PADI3: variants seen among roughly 807,000 people sequenced by gnomAD.
PADI3 encodes peptidyl arginine deiminase 3.
In PADI3, 53 loss-of-function variants were observed where a neutral mutation model predicts 71.5. The observed-to-expected ratio is 0.74, with a 90% CI of 0.59 to 0.93. The LOEUF (loss-of-function observed/expected upper bound fraction) is 0.93. Ranked by LOEUF, PADI3 falls within the 40% of genes least tolerant of loss-of-function variation. PADI3 has a pLI of 0.00. For synonymous variants in PADI3, 361 were observed against 347.5 expected, an observed-to-expected ratio of 1.04 and a Z score of -0.43; for missense variants, 821 against 868.0, an observed-to-expected ratio of 0.95 and a Z score of 0.68.
intron 7 of PADI3, 34 bp from the exon 8 acceptor site, chr1:17,270,845 C>T (rs1335447993): frequency 2.0e-6 from 3 of 1,515,368 alleles, no homozygotes; most frequent in Non-Finnish European, 2.8e-6. Flanking sequence ...GACTCCAAGT[C>T]CAGTGCTCTT....
At chr1:17,264,494 A>C (rs111754241) in intron 3 of PADI3, among the ~76,000 whole-genome samples, 6 of 152,084 alleles carry the variant, frequency 3.9e-5, no homozygotes, top group African/African-American at 1.4e-4. Flanking sequence ...TCCTTCTCCT[A>C]CAGGTAACCA....
intron 5 of PADI3, among the ~76,000 whole-genome samples, chr1:17,267,190 C>G (rs2073181778): frequency 6.6e-6 from 1 of 152,124 alleles, no homozygotes; most frequent in African/African-American, 2.4e-5. Context: ...TATCATCACC[C>G]CAATTTAGAG....
At position 17,280,733 on chromosome 1, in the gene PADI3, C is replaced by A. The variant is rs1557516045; in HGVS notation, c.1698C>A (p.Ile566=). The change falls in exon 15 of 16, where the codon ATC becomes ATA. Residue 566 remains isoleucine, a synonymous_variant. Transcript: ENST00000375460. ...AGCTGGGCCTGGCAGAGTGTGACAT[C>A]ATTGACATCCCACAGCTCTTCAAGA... is the stretch of plus-strand genomic sequence containing the variant. The part of the protein sequence containing the change: ...KRELGLAECD[I]IDIPQLFKTE... 1.2e-6 allele frequency: 2 copies of A among 1,614,182 alleles called. No homozygotes were observed. Among genetic ancestry groups the A allele is most frequent in the Non-Finnish European group, 1.7e-6 (2 of 1,180,032 alleles).
intron 11 of PADI3, among the ~76,000 whole-genome samples, chr1:17,276,133 G>A (rs1386381341): frequency 2.6e-5 from 4 of 152,118 alleles, no homozygotes; most frequent in South Asian, 2.1e-4. Flanking sequence ...TCAGGAGTTC[G>A]AGACCAGCCT....
chr1:17,256,819 G>A (rs2073034107), intron 1 of PADI3, among the ~76,000 whole-genome samples: 1 of 152,124 alleles, frequency 6.6e-6, no homozygotes, highest in Non-Finnish European at 1.5e-5. Flanking sequence ...GATCACTTGA[G>A]GTCAGGAGTT....
intron 11 of PADI3, among the ~76,000 whole-genome samples, chr1:17,275,310 G>A (rs1375876761): frequency 2.6e-5 from 4 of 151,244 alleles, no homozygotes; most frequent in Admixed American, 6.6e-5. Flanking sequence ...GGTGGCAGGC[G>A]CCTGTAGTCC....
chr1:17,249,149 G>A lies in PADI3; in HGVS notation c.12G>A (p.Gln4=). MSL[Q]RIVRVSLEHP... is the part of the protein sequence containing the mutation. ...AGTCCAACACCAGCATGTCGCTGCA[G>A]AGAATCGTGCGTGTGTCCCTGGAGC... Residue 4 remains glutamine (Q), a synonymous_variant, in exon 1 of 16, where the codon CAG becomes CAA. Transcript: ENST00000375460. The A allele has an allele frequency of 6.2e-7, 1 of 1,614,188 alleles. No homozygotes were observed. The highest frequency in any genetic ancestry group is 1.6e-4 in the Middle Eastern group (1 of 6,062).
chr1:17,278,584 G>T (rs1056326517), intron 13 of PADI3, among the ~76,000 whole-genome samples: 23 of 152,066 alleles, frequency 1.5e-4, no homozygotes, highest in African/African-American at 5.6e-4. Flanking sequence ...TTTTGAGAGA[G>T]AGAGAGCTGG....
chr1:17,262,374 C>T (rs1220221488), intron 3 of PADI3, among the ~76,000 whole-genome samples, 169 bp downstream of exon 3: 2 of 152,216 alleles, frequency 1.3e-5, no homozygotes, highest in African/African-American at 4.8e-5. Context: ...TATGAAAGCA[C>T]ATACATACCT....
intron 11 of PADI3, among the ~76,000 whole-genome samples, chr1:17,276,231 G>A (rs552613511): frequency 6.6e-6 from 1 of 152,212 alleles, no homozygotes; most frequent in East Asian, 1.9e-4. Context: ...CAGTTGCTTG[G>A]GAGGCTGAGG....
chr1:17,252,519 T>C (rs2072979144), intron 1 of PADI3, among the ~76,000 whole-genome samples: 1 of 150,974 alleles, frequency 6.6e-6, no homozygotes, highest in Admixed American at 6.6e-5. Flanking sequence ...TCCTCCCGCC[T>C]CAGCCTCCCG....
intron 13 of PADI3, 72 bp from the exon 14 acceptor site, chr1:17,280,278 C>A: frequency 8.2e-7 from 1 of 1,215,910 alleles, no homozygotes; most frequent in Non-Finnish European, 1.2e-6. Flanking sequence ...TCCTGCCTGT[C>A]TGCTTCCCTA....
At chr1:17,258,848 G>A (rs943464837) in intron 1 of PADI3, among the ~76,000 whole-genome samples, 2 of 152,332 alleles carry the variant, frequency 1.3e-5, no homozygotes, top group Admixed American at 6.5e-5. Context: ...TGGGATCTGG[G>A]GTGAGAATTG....
rs773184009 is a variant in PADI3, at chr1:17,274,749, C to T, written c.1270C>T (p.Pro424Ser). The T allele has an allele frequency of 2.5e-6, 4 of 1,613,302 alleles. No homozygotes were observed. The highest frequency in any genetic ancestry group is 2.5e-6 in the Non-Finnish European group (3 of 1,179,732). Residue 424 changes from proline to serine, a missense_variant, in exon 11 of 16, where the codon CCC becomes TCC. Coordinates refer to ENST00000375460, the MANE Select transcript of PADI3 (RefSeq NM_016233.2). ...AGTGGTGGCCAATGGGAAAGAGTAC[C>T]CCCTGGGGAGGATCCTCATTGGGGG... is the stretch of plus-strand genomic sequence containing the variant. The part of the protein sequence containing the change: ...PPVVANGKEY[P>S]LGRILIGGNL...
chr1:17,253,222 C>T (rs552515110), intron 1 of PADI3, among the ~76,000 whole-genome samples: 1 of 152,278 alleles, frequency 6.6e-6, no homozygotes, highest in East Asian at 1.9e-4. Flanking sequence ...GCTCTAAGGG[C>T]CCCAGAGCTC....
chr1:17,259,154 C>T (rs1411588710), intron 1 of PADI3, among the ~76,000 whole-genome samples: 2 of 152,230 alleles, frequency 1.3e-5, no homozygotes, highest in Non-Finnish European at 2.9e-5. Flanking sequence ...ACTGCAACCT[C>T]TGCCTCCTGG....
rs527624286 is a variant in PADI3, at chr1:17,268,754, G to A, written c.652+792G>A. Among the ~76,000 whole-genome samples the A allele has an allele frequency of 5.9e-5, 9 of 152,016 alleles. No homozygotes were observed. The South Asian group carries it at 1.0e-3, about 17-fold the overall frequency. On this transcript the variant is annotated intron_variant, in intron 6 of 15. Transcript: ENST00000375460. ...AATCTCCTGACCTTGTGATCTGCCCGCCTCGGCCTCCCAAAGTGCTGGGAT... is the reference window on the plus strand; with the variant it reads ...AATCTCCTGACCTTGTGATCTGCCCACCTCGGCCTCCCAAAGTGCTGGGAT...
intron 11 of PADI3, 93 bp from the exon 12 acceptor site, chr1:17,276,426 C>A: frequency 7.8e-7 from 1 of 1,289,072 alleles, no homozygotes; most frequent in African/African-American, 1.5e-5. Flanking sequence ...TTTTAAAAAT[C>A]AGATATTGCA....
intron 1 of PADI3, among the ~76,000 whole-genome samples, chr1:17,252,785 G>A (rs1396833561): frequency 6.6e-6 from 1 of 152,216 alleles, no homozygotes; most frequent in Non-Finnish European, 1.5e-5. Context: ...TCTGTCATTG[G>A]CCCAGTGGTA....
Sources: gnomAD v4.1 joint callset for allele counts (sites outside exome capture counted in the v4.1 genomes callset) on GRCh38, gnomAD v4.1.1 for gene constraint, MANE v1.5 for transcripts, NCBI Gene and HGNC (gene_info 2026-07-23, HGNC 2026-07-21) for gene names.